The following FOXA3 variants were observed in gnomAD, a reference collection of about 807,000 sequenced individuals.
The protein encoded by FOXA3 is forkhead box A3, also known as hepatocyte nuclear factor 3-gamma.
In FOXA3, 11 loss-of-function variants were observed where a neutral mutation model predicts 16.9. The observed-to-expected ratio is 0.65, with a 90% confidence interval of 0.41 to 1.08. FOXA3 has a LOEUF of 1.08. Among genes scored for constraint, FOXA3 ranks in the 50% least tolerant of loss-of-function variants. The pLI, the probability that FOXA3 is intolerant of heterozygous loss-of-function variation, is 0.00. For missense variants in FOXA3, 423 were observed against 470.1 expected (o/e 0.90, Z 0.93); for synonymous variants, 217 against 203.3 (o/e 1.07, Z -0.57).
intron 1 of FOXA3, among the ~76,000 whole-genome samples, 179 bp downstream of exon 1, chr19:45,864,704 G>A (rs1458544370): frequency 6.6e-6 from 1 of 152,186 alleles, no homozygotes; most frequent in Non-Finnish European, 1.5e-5. Flanking sequence ...AGGCATGGAT[G>A]GGAGCGCTGT....
chr19:45,866,215 C>T (rs1324492072), intron 1 of FOXA3, among the ~76,000 whole-genome samples: 2 of 151,876 alleles, frequency 1.3e-5, no homozygotes, highest in Non-Finnish European at 2.9e-5. Context: ...AGTTTGAGGC[C>T]AGCCTGGGCA....
chr19:45,867,869 A>T (rs550927027), intron 1 of FOXA3, among the ~76,000 whole-genome samples: 1 of 149,100 alleles, frequency 6.7e-6, no homozygotes, highest in Admixed American at 6.7e-5. Flanking sequence ...GTAGAGTCGG[A>T]TAGTGAGAGA....
chr19:45,869,657 G>A (rs1972115939), intron 1 of FOXA3, among the ~76,000 whole-genome samples: 1 of 152,196 alleles, frequency 6.6e-6, no homozygotes, highest in Non-Finnish European at 1.5e-5. Flanking sequence ...AATATATAAA[G>A]TAATGCTGCA....
At chr19:45,867,914 G>A (rs908576681) in intron 1 of FOXA3, among the ~76,000 whole-genome samples, 9 of 151,230 alleles carry the variant, frequency 6.0e-5, no homozygotes, top group African/African-American at 1.2e-4. Flanking sequence ...ATGGAAGGAT[G>A]GAGAGAGAGA....
At chr19:45,868,621 C>T (rs956345178) in intron 1 of FOXA3, among the ~76,000 whole-genome samples, 1 of 148,336 alleles carries the variant, frequency 6.7e-6, no homozygotes, top group East Asian at 2.0e-4. Flanking sequence ...GGAGACTAGG[C>T]GGTATCCAGT....
intron 1 of FOXA3, among the ~76,000 whole-genome samples, chr19:45,868,127 A>C (rs1972103347): frequency 6.6e-6 from 1 of 152,046 alleles, no homozygotes; most frequent in Non-Finnish European, 1.5e-5. Flanking sequence ...ATTCAAAGAG[A>C]CATGATGAAA....
chr19:45,867,022 AC>A (rs1972090583), intron 1 of FOXA3, among the ~76,000 whole-genome samples: 1 of 151,990 alleles, frequency 6.6e-6, no homozygotes, highest in Non-Finnish European at 1.5e-5. Flanking sequence ...TCCGGCTCAG[AC>A]CCGGACACCA....
chr19:45,864,461 T>C lies in FOXA3; in HGVS notation c.5T>C (p.Leu2Pro). 6.7e-7 allele frequency: 1 copy of C among 1,501,928 alleles called. No individual in the cohort carries two copies. The highest frequency in any genetic ancestry group is 8.9e-7 in the Non-Finnish European group (1 of 1,118,182). 93.0% of individuals were successfully genotyped at this position (1,501,928 alleles called of 1,614,324 possible). Residue 2 changes from leucine to proline, a missense_variant, in exon 1 of 2, where the codon CTG becomes CCG. Physicochemically the swap from Leu to Pro is moderately conservative, Grantham distance 98. Coordinates refer to ENST00000302177, the MANE Select transcript of FOXA3 (RefSeq NM_004497.3). Reference sequence around the variant, plus strand: ...GTGGGGGCGTAAGCCCGGGGGATGCTGGGCTCAGTGAAGATGGAGGCCCAT... The same window carrying C: ...GTGGGGGCGTAAGCCCGGGGGATGCCGGGCTCAGTGAAGATGGAGGCCCAT... MLGSVKMEAHDL... is the reference protein window; with the variant it reads MPGSVKMEAHDL...
At chr19:45,867,944 G>T (rs1972100017) in intron 1 of FOXA3, among the ~76,000 whole-genome samples, 1 of 149,820 alleles carries the variant, frequency 6.7e-6, no homozygotes, top group South Asian at 2.1e-4. Flanking sequence ...AGATGGAGGG[G>T]AAAGAAAGAT....
chr19:45,864,693 G>A (rs555271410), intron 1 of FOXA3, among the ~76,000 whole-genome samples, 168 bp downstream of exon 1: 1 of 152,262 alleles, frequency 6.6e-6, no homozygotes, highest in South Asian at 2.1e-4. Context: ...GACCGGGGAC[G>A]AGGCATGGAT....
At position 45,870,875 on chromosome 19, in the gene FOXA3, G is replaced by C. The variant is rs57556626; in HGVS notation, c.70-1200G>C. Among the ~76,000 whole-genome samples, 467 of 152,180 alleles carry C rather than the reference G, an allele frequency of 3.1e-3. 3 individuals are homozygous for C. The highest frequency in any genetic ancestry group is 0.011 in the African/African-American group (450 of 41,518). On this transcript the variant is annotated intron_variant, in intron 1 of 1. Coordinates refer to ENST00000302177, the MANE Select transcript of FOXA3 (RefSeq NM_004497.3). ...AGGCTGAGGCAGGAGGATTACTCGA[G>C]GCCAGGAGTTTGAAAACAGCCTGGG... is the stretch of plus-strand genomic sequence containing the variant.
Position 45,872,750 on chromosome 19 carries a change from TCCCCGC to T in FOXA3, c.749_754del (p.Pro250_Pro251del). ...CACCACCCCCGCGGCCACAGTCACC[TCCCCGC>T]CCCAGCCCCCGCCTCCAGCCCCTGA... On this transcript the variant is annotated inframe_deletion, in exon 2 of 2. Transcript: ENST00000302177. The surrounding 1 kb of genome is among the most constrained non-coding windows in gnomAD (Gnocchi z 4.5). The T allele has an allele frequency of 4.4e-6, 7 of 1,602,766 alleles. No individual in the cohort carries two copies. The highest frequency in any genetic ancestry group is 6.0e-6 in the Non-Finnish European group (7 of 1,175,524).
chr19:45,870,318 C>T (rs1257099111), intron 1 of FOXA3, among the ~76,000 whole-genome samples: 1 of 150,718 alleles, frequency 6.6e-6, no homozygotes, highest in Non-Finnish European at 1.5e-5. Context: ...TACAGGCGTT[C>T]GCCACCACAC....
In FOXA3 at chr19:45,872,262, G is replaced by A. The variant is rs767496001; in HGVS notation, c.257G>A (p.Gly86Asp). The change falls in exon 2 of 2, where the codon GGC becomes GAC. Residue 86 changes from glycine to aspartate, a missense_variant. Gly to Asp is a moderately conservative substitution (Grantham distance 94). Around this residue, in one of 3 missense-constraint regions of FOXA3, gnomAD observed 170 missense variants for 153.9 expected, o/e 1.10. Transcript: ENST00000302177. This position sits in a 1 kb window ranked among gnomAD's most constrained non-coding sequence, Gnocchi z 4.5. ...TTCCCAGGCCTGGGTGTCAGCGGTGGCAGCAGCAGCTCCGGGTACGGGGCC... is the reference window on the plus strand; with the variant it reads ...TTCCCAGGCCTGGGTGTCAGCGGTGACAGCAGCAGCTCCGGGTACGGGGCC... ...PTFPGLGVSGGSSSSGYGAPG... is the reference protein window; with the variant it reads ...PTFPGLGVSGDSSSSGYGAPG... 9 of 1,610,332 alleles carry A rather than the reference G, an allele frequency of 5.6e-6. No homozygotes were observed. In the African/African-American group the frequency reaches 6.7e-5, roughly 12 times the overall value.
intron 1 of FOXA3, among the ~76,000 whole-genome samples, chr19:45,867,779 C>CAAAAAA (rs60785587): frequency 2.3e-4 from 13 of 55,456 alleles, no homozygotes; most frequent in East Asian, 7.1e-4. Context: ...GACTCTATCT[C>CAAAAAA]AAAAAAAAAA....
rs1966909008 is a variant in FOXA3, at chr19:45,872,018, C to A, written c.70-57C>A. ...ACGGACACTCAGTGGGTCCTGGGAT[C>A]CTTTGCTGACCAGCAGAGTGGAGCC... On this transcript the variant is annotated intron_variant, in intron 1 of 1. Coordinates refer to ENST00000302177, the MANE Select transcript of FOXA3 (RefSeq NM_004497.3). This position sits in a 1 kb window ranked among gnomAD's most constrained non-coding sequence, Gnocchi z 4.5. 4 of 1,559,290 alleles carry A rather than the reference C, an allele frequency of 2.6e-6. No individual in the cohort carries two copies. In the Admixed American group the frequency reaches 7.2e-5, roughly 28 times the overall value.
chr19:45,868,990 C>T (rs1183270797), intron 1 of FOXA3, among the ~76,000 whole-genome samples: 2 of 152,078 alleles, frequency 1.3e-5, no homozygotes, highest in African/African-American at 2.4e-5. Flanking sequence ...GGCAGTGGCA[C>T]GATCTTGGCT....
chr19:45,870,899 G>C (rs948705841), intron 1 of FOXA3, among the ~76,000 whole-genome samples: 1 of 151,692 alleles, frequency 6.6e-6, no homozygotes, highest in Non-Finnish European at 1.5e-5. Flanking sequence ...AAACAGCCTG[G>C]GCAACATGGT....
intron 1 of FOXA3, among the ~76,000 whole-genome samples, chr19:45,871,750 T>C (rs1444910865): frequency 1.3e-5 from 2 of 151,904 alleles, no homozygotes; most frequent in African/African-American, 4.8e-5. Flanking sequence ...AAAAATAGCA[T>C]TATTTTGAAA....
Sources: gnomAD v4.1 joint callset for allele counts (sites outside exome capture counted in the v4.1 genomes callset) on GRCh38, gnomAD v4.1.1 for gene constraint, gnomAD v4.1.1 regional missense constraint, Gnocchi (gnomAD v3.1) non-coding constraint, MANE v1.5 for transcripts, NCBI Gene and HGNC (gene_info 2026-07-23, HGNC 2026-07-21) for gene names.